Variants in KIAA0930 observed in about 807,000 individuals in gnomAD.
KIAA0930 encodes the protein KIAA0930.
In KIAA0930, 24 loss-of-function variants were observed where a neutral mutation model predicts 43.9. The ratio of observed to expected loss-of-function variants is 0.55; its 90% CI spans 0.40 to 0.77. The LOEUF is 0.77. Among genes scored for constraint, KIAA0930 ranks in the 30% least tolerant of loss-of-function variants. The pLI, the probability that KIAA0930 is intolerant of heterozygous loss-of-function variation, is 0.00. For missense variants in KIAA0930, 461 were observed against 574.2 expected, an observed-to-expected ratio of 0.80 and a Z score of 2.02; for synonymous variants, 259 against 216.4, an observed-to-expected ratio of 1.20 and a Z score of -1.73.
chr22:45,231,939 C>T (rs1002149513), intron 1 of KIAA0930, among the ~76,000 whole-genome samples: 4 of 152,156 alleles, frequency 2.6e-5, no homozygotes, highest in Non-Finnish European at 5.9e-5. Context: ...TGCAGTGAGC[C>T]GAGATCGCGC....
rs774355341 is a variant in KIAA0930, at chr22:45,197,936, T to C, written c.1028A>G (p.Asn343Ser). ...GGACCGAGACCGCAGGTTGGTTGCA[T>C]TGTGCAGATCGGCTGGAGGAAAGAA... ...REDDGGADLH[N>S]ATNLRSRSLS... The change falls in exon 9 of 10, where the codon AAT becomes AGT. Residue 343 changes from asparagine to serine, a missense_variant. By Grantham distance (46) the Asn-to-Ser change is conservative. Coordinates refer to ENST00000336156, the MANE Select transcript of KIAA0930 (RefSeq NM_001009880.2). 14 of 1,613,866 alleles carry C rather than the reference T, an allele frequency of 8.7e-6. No individual in the cohort carries two copies. Among genetic ancestry groups the C allele is most frequent in the Non-Finnish European group, 1.1e-5 (13 of 1,179,996 alleles).
Position 45,196,891 on chromosome 22 carries a change from G to A in KIAA0930, c.*285C>T. ...TTCCGCTCTCTCTCATGGCCGCTCGGCATCTCTAGTCCTCTTTGGGTGCAG... is the reference window on the plus strand; with the variant it reads ...TTCCGCTCTCTCTCATGGCCGCTCGACATCTCTAGTCCTCTTTGGGTGCAG... On this transcript the variant is annotated 3_prime_UTR_variant, in exon 10 of 10. Coordinates refer to ENST00000336156, the MANE Select transcript of KIAA0930 (RefSeq NM_001009880.2). This position sits in a 1 kb window ranked among gnomAD's most constrained non-coding sequence, Gnocchi z 4.1. 2.4e-6 allele frequency: 1 copy of A among 425,456 alleles called. No individual in the cohort carries two copies. The highest frequency in any genetic ancestry group is 4.6e-5 in the South Asian group (1 of 21,644). The allele number at this position is 425,456 out of a possible 1,614,324, so 26.4% of individuals were successfully genotyped here.
intron 8 of KIAA0930, among the ~76,000 whole-genome samples, chr22:45,198,933 G>A (rs2235154): frequency 0.12 from 17,768 of 152,226 alleles, 2,801 homozygotes; most frequent in African/African-American, 0.35. Context: ...TTACAGGGGT[G>A]AGCCACTGTG....
At chr22:45,214,432 C>G (rs1315871520) in intron 1 of KIAA0930, among the ~76,000 whole-genome samples, 1 of 152,186 alleles carries the variant, frequency 6.6e-6, no homozygotes, top group Non-Finnish European at 1.5e-5. Flanking sequence ...GTGGATAAAC[C>G]TCAAACTTGT....
chr22:45,215,043 C>T (rs1420123137), intron 1 of KIAA0930, among the ~76,000 whole-genome samples: 17 of 152,236 alleles, frequency 1.1e-4, no homozygotes. Context: ...CATGGTGAAA[C>T]CCCATGTCTA....
At chr22:45,221,597 AAT>A (rs1243875457) in intron 1 of KIAA0930, among the ~76,000 whole-genome samples, 2 of 152,204 alleles carry the variant, frequency 1.3e-5, no homozygotes, top group African/African-American at 4.8e-5. Context: ...TGACATAATA[AAT>A]ATGTGCTAAT....
At chr22:45,213,764 C>T (rs1319061742) in intron 1 of KIAA0930, among the ~76,000 whole-genome samples, 2 of 152,282 alleles carry the variant, frequency 1.3e-5, no homozygotes, top group South Asian at 2.1e-4. Flanking sequence ...CATCCCAGTA[C>T]TTTGGGAGGC....
chr22:45,215,346 T>C (rs1023202498), intron 1 of KIAA0930, among the ~76,000 whole-genome samples: 6 of 152,238 alleles, frequency 3.9e-5, no homozygotes, highest in African/African-American at 1.4e-4. Flanking sequence ...CAAGGGTGCA[T>C]TGAACTGGAA....
intron 1 of KIAA0930, among the ~76,000 whole-genome samples, chr22:45,233,629 G>A (rs1028810855): frequency 5.3e-5 from 8 of 152,102 alleles, no homozygotes; most frequent in Non-Finnish European, 2.9e-5. Context: ...TGACTCACCA[G>A]GGGACCTGGT....
At chr22:45,237,055 T>A (rs2083892276) in intron 1 of KIAA0930, among the ~76,000 whole-genome samples, 1 of 152,206 alleles carries the variant, frequency 6.6e-6, no homozygotes, top group Non-Finnish European at 1.5e-5. Flanking sequence ...AAAGGGAGCC[T>A]GTGTGCTTGG....
At chr22:45,213,489 G>A (rs2083712299) in intron 1 of KIAA0930, 2 of 1,198,224 alleles carry the variant, frequency 1.7e-6, no homozygotes, top group East Asian at 1.2e-4. Flanking sequence ...ACAGGACCCG[G>A]GGGAACGAAA....
chr22:45,227,217 C>T (rs1349334495), intron 1 of KIAA0930, among the ~76,000 whole-genome samples: 1 of 152,228 alleles, frequency 6.6e-6, no homozygotes, highest in Non-Finnish European at 1.5e-5. Flanking sequence ...ATGCAAAGCA[C>T]CTTCTGGGCC....
chr22:45,216,843 C>T (rs767796224), intron 1 of KIAA0930, among the ~76,000 whole-genome samples: 57 of 152,108 alleles, frequency 3.7e-4, no homozygotes, highest in Admixed American at 9.2e-4. Flanking sequence ...GGTAGCACCT[C>T]GGACAGCTCT....
At chr22:45,231,223 G>GGAA (rs1555901092) in intron 1 of KIAA0930, among the ~76,000 whole-genome samples, 16 of 47,436 alleles carry the variant, frequency 3.4e-4, no homozygotes, top group Non-Finnish European at 7.2e-4. Context: ...CTCCGTCTCA[G>GGAA]AAAAAAAAAA....
At chr22:45,230,305 T>C (rs1220623813) in intron 1 of KIAA0930, among the ~76,000 whole-genome samples, 4 of 152,100 alleles carry the variant, frequency 2.6e-5, no homozygotes, top group Non-Finnish European at 4.4e-5. Context: ...TGGGAGCAGA[T>C]GTCCCAGGGC....
intron 5 of KIAA0930, 22 bp from the exon 6 acceptor site, chr22:45,204,007 C>T: frequency 6.2e-7 from 1 of 1,612,896 alleles, no homozygotes; most frequent in Non-Finnish European, 8.5e-7. Context: ...CACAAAGAGA[C>T]AGGGACGTGA....
rs1424814466 is a variant in KIAA0930 at position 45,197,426 on chromosome 22, G to A, written c.1175-210C>T. On this transcript the variant is annotated intron_variant, in intron 9 of 9. Coordinates refer to ENST00000336156, the MANE Select transcript of KIAA0930 (RefSeq NM_001009880.2). ...TCGCAGCAACGGCACACCCTGCAGG[G>A]CCTCAGGTGCAAGCTGGTGTGGGGG... Among the ~76,000 whole-genome samples, 4 of 152,206 alleles carry A rather than the reference G, an allele frequency of 2.6e-5. No individual in the cohort carries two copies. The East Asian group carries it at 5.8e-4, about 22-fold the overall frequency.
intron 8 of KIAA0930, 36 bp from the exon 9 acceptor site, chr22:45,197,984 C>A (rs754635347): frequency 1.9e-6 from 3 of 1,609,910 alleles, no homozygotes; most frequent in Middle Eastern, 3.3e-4. Context: ...GCCCCCACAG[C>A]ATGGGACGCG....
At chr22:45,233,856 T>G (rs1267392814) in intron 1 of KIAA0930, among the ~76,000 whole-genome samples, 5 of 152,204 alleles carry the variant, frequency 3.3e-5, no homozygotes, top group African/African-American at 1.2e-4. Flanking sequence ...ACGTATTGTT[T>G]ACAAGTCCCG....
Sources: allele counts gnomAD v4.1 joint callset (sites outside exome capture counted in the v4.1 genomes callset), GRCh38; gene constraint gnomAD v4.1.1; non-coding constraint Gnocchi (gnomAD v3.1); transcripts MANE v1.5; gene names NCBI Gene and HGNC (gene_info 2026-07-23, HGNC 2026-07-21).